The following RALGPS1 variants were observed in gnomAD, a reference collection of about 807,000 sequenced individuals.
RALGPS1 encodes the protein Ral GEF with PH domain and SH3 binding motif 1, also known as ras-specific guanine nucleotide-releasing factor RalGPS1.
RALGPS1 carries 19 observed loss-of-function variants against 78.8 expected under a neutral mutation model. That is an observed-to-expected ratio of 0.24 (90% CI 0.17 to 0.35). RALGPS1 has a LOEUF of 0.35. RALGPS1 is among the 10% of genes least tolerant of loss of function. RALGPS1 has a pLI of 1.00. For synonymous variants in RALGPS1, 228 were observed against 256.3 expected, an observed-to-expected ratio of 0.89 and a Z score of 1.06; for missense variants, 454 against 688.3, an observed-to-expected ratio of 0.66 and a Z score of 3.81.
At chr9:126,990,408 C>T (rs750838567) in intron 4 of RALGPS1, among the ~76,000 whole-genome samples, 3 of 152,218 alleles carry the variant, frequency 2.0e-5, no homozygotes, top group Non-Finnish European at 4.4e-5. Context: ...ATGTCCCTGC[C>T]CTGCTTAGCG....
chr9:127,192,514 G>A (rs983694279), intron 11 of RALGPS1, among the ~76,000 whole-genome samples: 1 of 152,228 alleles, frequency 6.6e-6, no homozygotes, highest in Non-Finnish European at 1.5e-5. Context: ...GCCAGGCCTG[G>A]TGGCACCCTC....
chr9:127,094,217 T>C (rs960101843), intron 8 of RALGPS1, among the ~76,000 whole-genome samples: 1 of 152,170 alleles, frequency 6.6e-6, no homozygotes, highest in East Asian at 1.9e-4. Context: ...TTTCTTCTGA[T>C]TGTAGAAGGA....
At chr9:127,082,034 C>T (rs2051226539) in intron 8 of RALGPS1, among the ~76,000 whole-genome samples, 1 of 152,190 alleles carries the variant, frequency 6.6e-6, no homozygotes, top group Non-Finnish European at 1.5e-5. Flanking sequence ...GGCAGAATCC[C>T]AGACTAGGGC....
chr9:127,160,852 A>G (rs2058980296), intron 8 of RALGPS1, among the ~76,000 whole-genome samples: 1 of 152,234 alleles, frequency 6.6e-6, no homozygotes, highest in Non-Finnish European at 1.5e-5. Context: ...CCTAATCTGT[A>G]AAATGGTGGG....
At chr9:127,112,322 ACAATGGGGAG>A (rs1454086100) in intron 8 of RALGPS1, among the ~76,000 whole-genome samples, 9 of 152,194 alleles carry the variant, frequency 5.9e-5, no homozygotes, top group Admixed American at 2.0e-4. Context: ...CCACCCCAGA[ACAATGGGGAG>A]GAGCCGCCCC....
intron 8 of RALGPS1, among the ~76,000 whole-genome samples, chr9:127,126,423 G>A (rs1443317224): frequency 6.6e-6 from 1 of 152,216 alleles, no homozygotes; most frequent in East Asian, 1.9e-4. Flanking sequence ...TAAATTTGGG[G>A]ATATGGGGAG....
At position 127,025,697 on chromosome 9, in the gene RALGPS1, A is replaced by AT. The variant is rs1244258415; in HGVS notation, c.217-8721dup. On this transcript the variant is annotated intron_variant, in intron 4 of 18. Coordinates refer to ENST00000259351, the MANE Select transcript of RALGPS1 (RefSeq NM_014636.3). The stretch of plus-strand genomic sequence containing the variant: ...AGTGTATGAACAAATCTTTTCTTTC[A>AT]TTTTTTTTTTTTTGAGACAGTCTTT... Among the ~76,000 whole-genome samples, 894 of 141,598 alleles carry AT rather than the reference A, an allele frequency of 6.3e-3. 2 individuals carry two copies. The highest frequency in any genetic ancestry group is 7.4e-3 in the Middle Eastern group (2 of 272). The allele number at this position is 141,598 out of a possible 152,430, so 92.9% of individuals were successfully genotyped here. A position where few individuals can be genotyped will look rare whatever the true frequency, so the allele number is the denominator to read the frequency against.
chr9:127,133,650 T>C (rs1481662062), intron 8 of RALGPS1, among the ~76,000 whole-genome samples: 1 of 152,178 alleles, frequency 6.6e-6, no homozygotes, highest in African/African-American at 2.4e-5. Flanking sequence ...CTTCCCGGCA[T>C]TGTCAGAGAA....
chr9:127,109,591 G>A (rs1318220337), intron 8 of RALGPS1, among the ~76,000 whole-genome samples: 1 of 152,210 alleles, frequency 6.6e-6, no homozygotes, highest in Non-Finnish European at 1.5e-5. Flanking sequence ...TTAGAAGGGA[G>A]CAGAACACAG....
At chr9:126,966,952 T>C (rs2039565278) in intron 3 of RALGPS1, among the ~76,000 whole-genome samples, 1 of 152,156 alleles carries the variant, frequency 6.6e-6, no homozygotes, top group Admixed American at 6.5e-5. Context: ...ACCTCAAACC[T>C]GATTGAGAGT....
intron 7 of RALGPS1, among the ~76,000 whole-genome samples, chr9:127,059,838 A>G (rs1320194663): frequency 6.6e-6 from 1 of 152,090 alleles, no homozygotes; most frequent in Non-Finnish European, 1.5e-5. Context: ...GACTCTCTTA[A>G]CAGACTGTGT....
chr9:126,942,478 T>C (rs1051272784), intron 1 of RALGPS1, among the ~76,000 whole-genome samples: 17 of 152,230 alleles, frequency 1.1e-4, no homozygotes, highest in African/African-American at 4.1e-4. Flanking sequence ...TATTGAAGAA[T>C]CTATCTTCTC....
intron 4 of RALGPS1, among the ~76,000 whole-genome samples, chr9:126,998,320 G>GA (rs1409663724): frequency 6.6e-6 from 1 of 151,828 alleles, no homozygotes; most frequent in African/African-American, 2.4e-5. Flanking sequence ...AAATTTACAA[G>GA]AAAAAAACAA....
At chr9:126,972,995 G>A (rs2132500558) in intron 3 of RALGPS1, among the ~76,000 whole-genome samples, 1 of 151,408 alleles carries the variant, frequency 6.6e-6, no homozygotes, top group South Asian at 2.1e-4. Context: ...CCAGGAGGTG[G>A]AGGTTGCAGT....
In RALGPS1 at chr9:127,219,625, G is replaced by A. The variant is rs1277409691; in HGVS notation, c.*856G>A. 1 of 152,636 alleles carries A rather than the reference G, an allele frequency of 6.6e-6. No individual in the cohort carries two copies. The highest frequency in any genetic ancestry group is 1.5e-5 in the Non-Finnish European group (1 of 68,122). The allele number at this position is 152,636 out of a possible 1,614,324, so 9.5% of individuals were successfully genotyped here. A position where few individuals can be genotyped will look rare whatever the true frequency, so the allele number is the denominator to read the frequency against. Reference sequence around the variant, plus strand: ...TTCCTCCCTTCCCCATTCCTAGCAGGGCCTGAGGCCCTCCTCTTCTCGCCC... The same window carrying A: ...TTCCTCCCTTCCCCATTCCTAGCAGAGCCTGAGGCCCTCCTCTTCTCGCCC... On this transcript the variant is annotated 3_prime_UTR_variant, in exon 19 of 19. Coordinates refer to ENST00000259351, the MANE Select transcript of RALGPS1 (RefSeq NM_014636.3). This position sits in a 1 kb window ranked among gnomAD's most constrained non-coding sequence, Gnocchi z 5.0.
chr9:127,028,227 T>A (rs2046122833), intron 4 of RALGPS1, among the ~76,000 whole-genome samples: 1 of 152,248 alleles, frequency 6.6e-6, no homozygotes, highest in Non-Finnish European at 1.5e-5. Flanking sequence ...TATGCCTTCA[T>A]GTCACCCAGT....
chr9:126,990,655 C>T (rs987127919), intron 4 of RALGPS1, among the ~76,000 whole-genome samples: 1 of 152,210 alleles, frequency 6.6e-6, no homozygotes, highest in African/African-American at 2.4e-5. Context: ...GTCAGAGCTC[C>T]GAGGTAGTGC....
Position 127,105,357 on chromosome 9 carries a change from C to G in RALGPS1, c.610+36001C>G, listed in dbSNP as rs531508645. Among the ~76,000 whole-genome samples the G allele has an allele frequency of 4.6e-5, 7 of 152,352 alleles. No homozygotes were observed. In the South Asian group the frequency reaches 1.4e-3, roughly 32 times the overall value. On this transcript the variant is annotated intron_variant, in intron 8 of 18. Coordinates refer to ENST00000259351, the MANE Select transcript of RALGPS1 (RefSeq NM_014636.3). ...GACACTTGGATACACACAGCCCACA[C>G]TGGGTTGTGAACACAAAGAAGCAGG...
intron 8 of RALGPS1, among the ~76,000 whole-genome samples, chr9:127,112,197 T>G (rs1229557586): frequency 6.6e-6 from 1 of 152,228 alleles, no homozygotes. Flanking sequence ...AGCTTCTGGT[T>G]TGGGCTCTGC....
Sources: gnomAD v4.1 joint callset for allele counts (sites outside exome capture counted in the v4.1 genomes callset) on GRCh38, gnomAD v4.1.1 for gene constraint, Gnocchi (gnomAD v3.1) non-coding constraint, MANE v1.5 for transcripts, NCBI Gene and HGNC (gene_info 2026-07-23, HGNC 2026-07-21) for gene names.